The following BCCIP variants were observed in gnomAD, a reference collection of about 807,000 sequenced individuals.
BCCIP encodes BRCA2 and CDKN1A interacting protein, also known as BRCA2 and CDKN1A-interacting protein.
A neutral mutation model predicts 32.8 loss-of-function variants in BCCIP; 23 were observed. The observed-to-expected ratio is 0.70, with a 90% CI of 0.51 to 0.99. BCCIP has a LOEUF of 0.99. BCCIP is among the 50% of genes least tolerant of loss of function. BCCIP has a pLI of 0.00. For missense variants in BCCIP, 378 were observed against 379.8 expected, an observed-to-expected ratio of 1.00 and a Z score of 0.04; for synonymous variants, 144 against 137.6, an observed-to-expected ratio of 1.05 and a Z score of -0.33.
chr10:125,830,894 T>C (rs192552501), intron 4 of BCCIP, among the ~76,000 whole-genome samples: 7 of 152,342 alleles, frequency 4.6e-5, no homozygotes, highest in Admixed American at 3.9e-4. Flanking sequence ...CTGATGTTGG[T>C]ACTGATGCAG....
downstream of BCCIP, among the ~76,000 whole-genome samples, chr10:125,845,125 C>T (rs1269354645): frequency 6.6e-6 from 1 of 152,190 alleles, no homozygotes; most frequent in African/African-American, 2.4e-5. Flanking sequence ...GAGCACAGGC[C>T]AAGTGGAGTC....
chr10:125,830,970 G>T (rs955586677), intron 4 of BCCIP, among the ~76,000 whole-genome samples: 1 of 152,146 alleles, frequency 6.6e-6, no homozygotes, highest in Non-Finnish European at 1.5e-5. Context: ...ATATTCTCAG[G>T]CTTTGCTGCC....
Position 125,833,801 on chromosome 10 carries a change from A to G in BCCIP, c.629A>G (p.Asn210Ser), listed in dbSNP as rs191730820. 13 of 1,614,250 alleles carry G rather than the reference A, an allele frequency of 8.1e-6. No homozygotes were observed. Among genetic ancestry groups the G allele is most frequent in the South Asian group, 4.4e-5 (4 of 91,086 alleles). The change falls in exon 6 of 7, where the codon AAT becomes AGT. Residue 210 changes from asparagine (N) to serine (S), a missense_variant. Transcript: ENST00000278100. ...QKELAGAHRT[N>S]KPCGKCYFYL... ...GAACTGGCGGGGGCACACAGAACCAATAAGCCATGTGGGAAGTGCTACTTT... is the reference window on the plus strand; with the variant it reads ...GAACTGGCGGGGGCACACAGAACCAGTAAGCCATGTGGGAAGTGCTACTTT...
At chr10:125,837,614 G>C (rs549821931), downstream of BCCIP, among the ~76,000 whole-genome samples, 1 of 152,132 alleles carries the variant, frequency 6.6e-6, no homozygotes, top group South Asian at 2.1e-4. Context: ...TTGTAGAGAC[G>C]GGGTCTTGCT....
intron 7 of BCCIP, among the ~76,000 whole-genome samples, chr10:125,850,134 TAAA>T (rs371549545): frequency 4.6e-4 from 62 of 133,494 alleles, no homozygotes; most frequent in African/African-American, 5.3e-4. Context: ...CCTGGCTCAT[TAAA>T]AAAAAAAAAA....
chr10:125,840,698 C>T, downstream of BCCIP: 2 of 786,510 alleles, frequency 2.5e-6, no homozygotes, highest in African/African-American at 1.8e-5. Flanking sequence ...CTGCAGATGC[C>T]TGTGGGTGCG....
chr10:125,847,816 A>T (rs1479722827), intron 7 of BCCIP, among the ~76,000 whole-genome samples: 2 of 152,034 alleles, frequency 1.3e-5, no homozygotes, highest in Non-Finnish European at 2.9e-5. Flanking sequence ...TCTCATAAGG[A>T]GCGGGCAGCC....
At chr10:125,844,939 A>G (rs1209668905), downstream of BCCIP, among the ~76,000 whole-genome samples, 1 of 152,246 alleles carries the variant, frequency 6.6e-6, no homozygotes, top group Non-Finnish European at 1.5e-5. Flanking sequence ...GTGAAGGGCT[A>G]TCATTACAGT....
intron 2 of BCCIP, among the ~76,000 whole-genome samples, chr10:125,826,996 T>TA (rs374807277): frequency 7.7e-6 from 1 of 129,316 alleles, no homozygotes; most frequent in Non-Finnish European, 1.6e-5. Flanking sequence ...CCTCTGTCTC[T>TA]AAAAAAAAAG....
At chr10:125,837,849 C>G (rs1854744408), downstream of BCCIP, among the ~76,000 whole-genome samples, 1 of 152,160 alleles carries the variant, frequency 6.6e-6, no homozygotes, top group Non-Finnish European at 1.5e-5. Context: ...TTCAGCCTTC[C>G]CTCCTTCCTC....
At chr10:125,840,789 A>ATC, downstream of BCCIP, 1 of 1,505,186 alleles carries the variant, frequency 6.6e-7, no homozygotes, top group African/African-American at 1.4e-5. Flanking sequence ...ATAAGGACTC[A>ATC]GACTTATCTA....
At chr10:125,850,266 C>T (rs1944073113) in intron 7 of BCCIP, among the ~76,000 whole-genome samples, 2 of 146,350 alleles carry the variant, frequency 1.4e-5, no homozygotes, top group African/African-American at 2.8e-5. Context: ...GTGTGAGCCA[C>T]CATGCCCAGC....
chr10:125,849,388 A>T (rs554538332), intron 7 of BCCIP, among the ~76,000 whole-genome samples: 2 of 152,272 alleles, frequency 1.3e-5, no homozygotes, highest in African/African-American at 4.8e-5. Flanking sequence ...TTTTGTTTTC[A>T]CTTTCTGTAA....
At chr10:125,847,299 T>A (rs1281863640), downstream of BCCIP, among the ~76,000 whole-genome samples, 2 of 152,194 alleles carry the variant, frequency 1.3e-5, no homozygotes, top group Non-Finnish European at 2.9e-5. Flanking sequence ...TTGGATTTCT[T>A]AAGATACCTC....
downstream of BCCIP, among the ~76,000 whole-genome samples, chr10:125,847,407 T>C (rs1180454302): frequency 6.6e-6 from 1 of 152,218 alleles, no homozygotes; most frequent in South Asian, 2.1e-4. Flanking sequence ...TGCAACATAA[T>C]GCATTCTATA....
chr10:125,828,167 T>A (rs988257027), intron 3 of BCCIP, among the ~76,000 whole-genome samples: 1 of 151,740 alleles, frequency 6.6e-6, no homozygotes, highest in Non-Finnish European at 1.5e-5. Context: ...TATGATGAGG[T>A]TTAGTCCCTG....
At chr10:125,827,234 A>C (rs1003232226) in intron 2 of BCCIP, among the ~76,000 whole-genome samples, 7 of 151,958 alleles carry the variant, frequency 4.6e-5, no homozygotes, top group African/African-American at 1.7e-4. Flanking sequence ...TTACTCATAT[A>C]ATATGACTTT....
chr10:125,836,181 C>T lies in BCCIP; in HGVS notation c.852C>T (p.Asp284=), dbSNP rs776051340. The part of the protein sequence containing the change: ...TCLGGKWSFD[D]VPMTPLRTVM... ...TGGGAGGCAAATGGTCTTTTGATGA[C>T]GTACCAATGACGCCCTTGCGAACTG... The change falls in exon 7 of 7, where the codon GAC becomes GAT. Residue 284 remains aspartate, a synonymous_variant. Coordinates refer to ENST00000278100, the MANE Select transcript of BCCIP (RefSeq NM_078468.3). The T allele has an allele frequency of 6.8e-6, 11 of 1,614,062 alleles. No individual in the cohort carries two copies. The highest frequency in any genetic ancestry group is 4.4e-5 in the South Asian group (4 of 91,086).
At chr10:125,831,920 A>G (rs1319493236) in intron 5 of BCCIP, among the ~76,000 whole-genome samples, 2 of 152,238 alleles carry the variant, frequency 1.3e-5, no homozygotes, top group Non-Finnish European at 2.9e-5. Context: ...TTTCTGCAAC[A>G]TGAATAAAAT....
Sources: allele counts gnomAD v4.1 joint callset (sites outside exome capture counted in the v4.1 genomes callset), GRCh38; gene constraint gnomAD v4.1.1; transcripts MANE v1.5; gene names NCBI Gene and HGNC (gene_info 2026-07-23, HGNC 2026-07-21).